Variants in NEGR1 observed in about 807,000 individuals in gnomAD.
NEGR1 encodes the protein IgLON family member 4.
NEGR1 carries 10 observed loss-of-function variants against 40.9 expected under a neutral mutation model. That is an observed-to-expected ratio of 0.24 (90% CI 0.15 to 0.42). The LOEUF (loss-of-function observed/expected upper bound fraction) is 0.42, where lower values mean the gene tolerates loss of function less well. Ranked by LOEUF, NEGR1 falls within the 10% of genes least tolerant of loss-of-function variation. NEGR1 has a pLI of 1.00. For missense variants in NEGR1, 352 were observed against 438.9 expected (o/e 0.80, Z 1.77); for synonymous variants, 185 against 166.8 (o/e 1.11, Z -0.84).
In NEGR1 at chr1:71,484,637, T is replaced by C. The variant is rs1194372224; in HGVS notation, c.941-77067A>G. 2.6e-5 allele frequency: 4 copies of C among 151,820 alleles called. No homozygotes were observed. The East Asian group carries it at 7.8e-4, about 29-fold the overall frequency. The allele number at this position is 151,820 out of a possible 1,614,324, so 9.4% of individuals were successfully genotyped here. On this transcript the variant is annotated intron_variant, in intron 6 of 6. Coordinates refer to ENST00000357731, the MANE Select transcript of NEGR1 (RefSeq NM_173808.3). ...GAAAAGTTCTAAGACAATAATTTATTGCTGAATTCGCAATGTAGGTTTTCC... is the reference window on the plus strand; with the variant it reads ...GAAAAGTTCTAAGACAATAATTTATCGCTGAATTCGCAATGTAGGTTTTCC...
In NEGR1 at chr1:71,404,267, GT is replaced by G. The variant is rs942713801; in HGVS notation, c.*3178del. 1.3e-5 allele frequency: 2 copies of G among 151,278 alleles called. No individual in the cohort carries two copies. The highest frequency in any genetic ancestry group is 4.9e-5 in the African/African-American group (2 of 41,144). The allele number at this position is 151,278 out of a possible 1,614,324, so 9.4% of individuals were successfully genotyped here. A position where few individuals can be genotyped will look rare whatever the true frequency, so the allele number is the denominator to read the frequency against. ...GATGAAGCATTAATTTTTCAGTTAA[GT>G]TATAAACCCCCCAAAAGTGGCTTTA... On this transcript the variant is annotated 3_prime_UTR_variant, in exon 7 of 7. Transcript: ENST00000357731.
At chr1:71,708,455 C>T (rs1053140649) in intron 3 of NEGR1, among the ~76,000 whole-genome samples, 2 of 151,634 alleles carry the variant, frequency 1.3e-5, no homozygotes, top group Non-Finnish European at 2.9e-5. Context: ...CAATGCAATC[C>T]CTATCAAAAT....
At chr1:71,750,010 G>T in intron 3 of NEGR1, among the ~76,000 whole-genome samples, 1 of 121,566 alleles carries the variant, frequency 8.2e-6, no homozygotes, top group Non-Finnish European at 1.6e-5. Flanking sequence ...TTTTTGAGAC[G>T]GAGTCTCGCT....
chr1:71,533,944 A>T (rs924250832), intron 6 of NEGR1, among the ~76,000 whole-genome samples: 1 of 151,828 alleles, frequency 6.6e-6, no homozygotes, highest in African/African-American at 2.4e-5. Context: ...CACATAAATA[A>T]TCTACTCCTT....
At chr1:71,915,311 T>A (rs868068637) in intron 2 of NEGR1, among the ~76,000 whole-genome samples, 11 of 152,166 alleles carry the variant, frequency 7.2e-5, no homozygotes, top group African/African-American at 2.4e-4. Flanking sequence ...CACTAAAGAA[T>A]AGAAAAAATA....
chr1:71,832,084 G>A (rs181616369), intron 2 of NEGR1, among the ~76,000 whole-genome samples: 1 of 151,962 alleles, frequency 6.6e-6, no homozygotes, highest in East Asian at 2.0e-4. Context: ...GCACCCCTGC[G>A]ATAATCATAA....
chr1:71,998,901 C>T (rs540217274), intron 1 of NEGR1, among the ~76,000 whole-genome samples: 5 of 151,742 alleles, frequency 3.3e-5, no homozygotes, highest in African/African-American at 1.2e-4. Flanking sequence ...GTATATAATA[C>T]ACACACACTT....
At chr1:72,218,117 A>AGGGTAC (rs1653885072) in intron 1 of NEGR1, among the ~76,000 whole-genome samples, 1 of 151,736 alleles carries the variant, frequency 6.6e-6, no homozygotes, top group Non-Finnish European at 1.5e-5. Context: ...CTTTACCTTT[A>AGGGTAC]AAATAAAAAG....
intron 2 of NEGR1, among the ~76,000 whole-genome samples, chr1:71,883,656 G>T (rs187477982): frequency 2.6e-5 from 4 of 151,796 alleles, no homozygotes; most frequent in Non-Finnish European, 5.9e-5. Flanking sequence ...TACATGCGCC[G>T]TGTTGGTGTG....
intron 1 of NEGR1, among the ~76,000 whole-genome samples, chr1:72,274,392 C>T (rs1655965507): frequency 6.6e-6 from 1 of 152,064 alleles, no homozygotes. Flanking sequence ...AAACCGTGGA[C>T]TATTCAATTT....
intron 6 of NEGR1, among the ~76,000 whole-genome samples, chr1:71,505,051 C>CA (rs1365265426): frequency 1.3e-5 from 2 of 151,756 alleles, no homozygotes; most frequent in African/African-American, 2.4e-5. Flanking sequence ...AAGTAGTTTG[C>CA]AAAAAACGAT....
At chr1:71,833,578 T>A (rs1658913223) in intron 2 of NEGR1, among the ~76,000 whole-genome samples, 1 of 152,032 alleles carries the variant, frequency 6.6e-6, no homozygotes. Flanking sequence ...TTTGAGTTGG[T>A]GGTTCTAGCA....
intron 3 of NEGR1, among the ~76,000 whole-genome samples, chr1:71,726,910 T>C (rs1654694884): frequency 6.6e-6 from 1 of 152,066 alleles, no homozygotes; most frequent in African/African-American, 2.4e-5. Context: ...ATACCACTAA[T>C]CCTTCAGGTA....
intron 1 of NEGR1, among the ~76,000 whole-genome samples, chr1:71,988,197 C>G (rs949662989): frequency 6.6e-6 from 1 of 152,114 alleles, no homozygotes; most frequent in Non-Finnish European, 1.5e-5. Context: ...GATCAGTCCT[C>G]CCCTCCAATC....
In NEGR1 at chr1:71,611,143, G is replaced by A; in HGVS notation, c.671C>T (p.Ala224Val). 1 of 1,613,330 alleles carries A rather than the reference G, an allele frequency of 6.2e-7. No individual in the cohort carries two copies. The highest frequency in any genetic ancestry group is 8.5e-7 in the Non-Finnish European group (1 of 1,179,594). The change falls in exon 5 of 7, where the codon GCT (alanine) becomes GTT (valine). Residue 224 changes from alanine to valine, a missense_variant. By Grantham distance (64) the Ala-to-Val change is moderately conservative. Around this residue, in one of 5 missense-constraint regions of NEGR1, gnomAD observed 184 missense variants for 208.7 expected, o/e 0.88. Transcript: ENST00000357731. ...AGATTTAATTTCCTGAATAGTAGGA[G>A]CAACTGCAAAAGAAACAAACAAACA... is the stretch of plus-strand genomic sequence containing the variant. ...VRKVKVVVNF[A>V]PTIQEIKSGT...
At chr1:71,506,934 A>AG (rs1647038580) in intron 6 of NEGR1, among the ~76,000 whole-genome samples, 1 of 152,242 alleles carries the variant, frequency 6.6e-6, no homozygotes, top group South Asian at 2.1e-4. Context: ...GTTCTTAACC[A>AG]GGCCCTAAAG....
chr1:71,731,752 T>A (rs1328106035), intron 3 of NEGR1, among the ~76,000 whole-genome samples: 1 of 152,200 alleles, frequency 6.6e-6, no homozygotes. Flanking sequence ...ATATACAGCA[T>A]CTTCTGACTC....
At chr1:71,520,789 G>C (rs776437965) in intron 6 of NEGR1, among the ~76,000 whole-genome samples, 14 of 151,974 alleles carry the variant, frequency 9.2e-5, no homozygotes, top group Non-Finnish European at 1.9e-4. Context: ...CTGGGGCAGG[G>C]AAAGACAATA....
At chr1:71,908,836 C>T (rs1285430293) in intron 2 of NEGR1, among the ~76,000 whole-genome samples, 1 of 151,986 alleles carries the variant, frequency 6.6e-6, no homozygotes, top group Non-Finnish European at 1.5e-5. Context: ...AACTACTTCC[C>T]GTGTTATTTT....
Sources: allele counts gnomAD v4.1 joint callset (sites outside exome capture counted in the v4.1 genomes callset), GRCh38; gene constraint gnomAD v4.1.1; regional missense constraint gnomAD v4.1.1; transcripts MANE v1.5; gene names NCBI Gene and HGNC (gene_info 2026-07-23, HGNC 2026-07-21).